Variants in LRP1B observed in about 807,000 individuals in gnomAD.
The protein encoded by LRP1B is low-density lipoprotein receptor-related protein 1B.
In LRP1B, 217 loss-of-function variants were observed where a neutral mutation model predicts 556.6. The ratio of observed to expected loss-of-function variants is 0.39; its 90% CI spans 0.35 to 0.44. The LOEUF (loss-of-function observed/expected upper bound fraction) is 0.44. Among genes scored for constraint, LRP1B ranks in the 20% least tolerant of loss-of-function variants. The probability of loss-of-function intolerance (pLI) is 1.00; values close to 1 mark genes in which losing one functional copy is unlikely to be tolerated. For synonymous variants in LRP1B, 2,047 were observed against 1,865.8 expected, an observed-to-expected ratio of 1.10 and a Z score of -2.50; for missense variants, 5,053 against 5,620.8, an observed-to-expected ratio of 0.90 and a Z score of 3.23.
intron 43 of LRP1B, among the ~76,000 whole-genome samples, chr2:140,590,919 A>G (rs1297579230): frequency 6.6e-6 from 1 of 152,194 alleles, no homozygotes; most frequent in Non-Finnish European, 1.5e-5. Context: ...CTCCCCATGG[A>G]AAAATATGTT....
At chr2:141,266,002 G>A (rs1289459993) in intron 3 of LRP1B, among the ~76,000 whole-genome samples, 2 of 152,128 alleles carry the variant, frequency 1.3e-5, no homozygotes, top group African/African-American at 4.8e-5. Flanking sequence ...GAAGTGATAT[G>A]CATAACTTCT....
chr2:140,705,115 T>C (rs1010169963), intron 37 of LRP1B, among the ~76,000 whole-genome samples: 3 of 152,140 alleles, frequency 2.0e-5, no homozygotes, highest in Non-Finnish European at 4.4e-5. Context: ...TTGTCTTCCC[T>C]AGAATACACT....
At chr2:141,612,626 G>A (rs1042659669) in intron 2 of LRP1B, among the ~76,000 whole-genome samples, 4 of 152,144 alleles carry the variant, frequency 2.6e-5, no homozygotes, top group Admixed American at 6.5e-5. Context: ...GAGGCTTCAC[G>A]GTAATGTGTG....
intron 5 of LRP1B, among the ~76,000 whole-genome samples, chr2:141,231,364 T>C (rs1683457809): frequency 1.3e-5 from 2 of 152,180 alleles, no homozygotes; most frequent in Admixed American, 6.5e-5. Flanking sequence ...AACAATCCTA[T>C]AATTCATGCA....
chr2:141,984,177 A>G (rs1233614719), intron 1 of LRP1B, among the ~76,000 whole-genome samples: 1 of 152,180 alleles, frequency 6.6e-6, no homozygotes, highest in Admixed American at 6.5e-5. Context: ...TTTAAATTAT[A>G]CTTTAAGTTT....
chr2:140,741,691 T>G (rs1464313513), intron 35 of LRP1B, among the ~76,000 whole-genome samples: 1 of 151,732 alleles, frequency 6.6e-6, no homozygotes, highest in Middle Eastern at 3.2e-3. Flanking sequence ...TGTATCCATA[T>G]GTACTCAATG....
At chr2:141,783,490 G>A (rs1574355122) in intron 2 of LRP1B, among the ~76,000 whole-genome samples, 1 of 151,944 alleles carries the variant, frequency 6.6e-6, no homozygotes, top group Non-Finnish European at 1.5e-5. Context: ...AGTTTCACAT[G>A]CTGAATCTCT....
chr2:140,625,230 G>C (rs921224890), intron 41 of LRP1B, among the ~76,000 whole-genome samples: 1 of 152,142 alleles, frequency 6.6e-6, no homozygotes, highest in African/African-American at 2.4e-5. Flanking sequence ...TAATAATTTG[G>C]AATCAATGGA....
At chr2:141,217,444 C>T (rs1432986791) in intron 6 of LRP1B, among the ~76,000 whole-genome samples, 1 of 152,088 alleles carries the variant, frequency 6.6e-6, no homozygotes, top group Non-Finnish European at 1.5e-5. Context: ...TAGACAGTTG[C>T]TAACTCAACG....
chr2:141,875,985 G>T (rs1222520773), intron 1 of LRP1B, among the ~76,000 whole-genome samples: 2 of 151,908 alleles, frequency 1.3e-5, no homozygotes, highest in African/African-American at 4.8e-5. Flanking sequence ...TAAGATTTGT[G>T]TATAAAACAA....
chr2:142,041,354 T>G (rs753263776), intron 1 of LRP1B, among the ~76,000 whole-genome samples: 4 of 151,530 alleles, frequency 2.6e-5, no homozygotes, highest in Admixed American at 2.6e-4. Flanking sequence ...GCACTGAATT[T>G]AGGTAAGCAA....
chr2:140,888,892 GGC>G (rs1693716830), intron 23 of LRP1B, among the ~76,000 whole-genome samples: 2 of 150,930 alleles, frequency 1.3e-5, no homozygotes, highest in Non-Finnish European at 2.9e-5. Flanking sequence ...GAACCTGGGA[GGC>G]AGAGGTTGCA....
At chr2:142,063,068 A>AAC (rs748749706) in intron 1 of LRP1B, among the ~76,000 whole-genome samples, 3 of 151,444 alleles carry the variant, frequency 2.0e-5, no homozygotes, top group Non-Finnish European at 3.0e-5. Context: ...AAAAAAAAAA[A>AAC]AAGCTGAGTT....
chr2:140,252,087 A>AAAAAAAC (rs1170506845), intron 86 of LRP1B, among the ~76,000 whole-genome samples: 1 of 111,684 alleles, frequency 9.0e-6, no homozygotes, highest in African/African-American at 4.1e-5. Context: ...AAAAAAAAAA[A>AAAAAAAC]AACCCAAAAA....
chr2:141,149,410 C>T (rs1051586917), intron 7 of LRP1B, among the ~76,000 whole-genome samples: 4 of 152,110 alleles, frequency 2.6e-5, no homozygotes, highest in Non-Finnish European at 4.4e-5. Flanking sequence ...GCCTAATAAC[C>T]TTTGCACCCA....
intron 2 of LRP1B, among the ~76,000 whole-genome samples, chr2:141,703,696 A>G (rs1027612601): frequency 8.6e-5 from 13 of 151,964 alleles, no homozygotes; most frequent in Middle Eastern, 3.2e-3. Flanking sequence ...GAGTCATTTA[A>G]TCCCTAAATC....
At chr2:141,839,034 T>C (rs1697380140) in intron 1 of LRP1B, among the ~76,000 whole-genome samples, 1 of 152,182 alleles carries the variant, frequency 6.6e-6, no homozygotes, top group Non-Finnish European at 1.5e-5. Flanking sequence ...TTGTTTGTTT[T>C]TAATTTATAT....
intron 66 of LRP1B, among the ~76,000 whole-genome samples, chr2:140,427,363 T>C (rs1685708929): frequency 6.6e-6 from 1 of 152,126 alleles, no homozygotes. Context: ...TTTACCCTTC[T>C]CTTTAAACTT....
intron 1 of LRP1B, among the ~76,000 whole-genome samples, chr2:141,856,091 C>T (rs1698041610): frequency 6.6e-6 from 1 of 152,172 alleles, no homozygotes; most frequent in South Asian, 2.1e-4. Flanking sequence ...TATGTAGAGG[C>T]AAATACCATA....
Sources: gnomAD v4.1 joint callset for allele counts (sites outside exome capture counted in the v4.1 genomes callset) on GRCh38, gnomAD v4.1.1 for gene constraint, MANE v1.5 for transcripts, NCBI Gene and HGNC (gene_info 2026-07-23, HGNC 2026-07-21) for gene names.